The following GYS1 variants were observed in gnomAD, a reference collection of about 807,000 sequenced individuals.
GYS1 encodes glycogen synthase 1, also known as glycogen [starch] synthase, muscle.
In GYS1, 60 loss-of-function variants were observed where a neutral mutation model predicts 89.1. That is an observed-to-expected ratio of 0.67 (90% CI 0.55 to 0.84). The LOEUF (loss-of-function observed/expected upper bound fraction) is 0.84. Ranked by LOEUF, GYS1 falls within the 40% of genes least tolerant of loss-of-function variation. The pLI, the probability that GYS1 is intolerant of heterozygous loss-of-function variation, is 0.00. For missense variants in GYS1, 888 were observed against 1,003.1 expected (o/e 0.89, Z 1.55); for synonymous variants, 366 against 401.7 (o/e 0.91, Z 1.06).
chr19:48,982,769 C>T lies in GYS1; in HGVS notation c.892G>A (p.Ala298Thr), dbSNP rs749853175. ...TCCTGGATTCGAGCCTTGCTCTGAG[C>T]ATGGAGGTTCTGGAACTCATGCATG... ...SAMHEFQNLH[A>T]QSKARIQEFV... The change falls in exon 6 of 16, where the codon GCT (alanine) becomes ACT (threonine). Residue 298 changes from alanine to threonine, a missense_variant. Ala to Thr is a moderately conservative substitution (Grantham distance 58). Transcript: ENST00000323798. The T allele has an allele frequency of 5.6e-6, 9 of 1,613,930 alleles. No homozygotes were observed. Among genetic ancestry groups the T allele is most frequent in the Admixed American group, 1.7e-5 (1 of 59,988 alleles).
chr19:48,970,290 G>A (rs1480084401), intron 14 of GYS1: 2 of 498,842 alleles, frequency 4.0e-6, no homozygotes, highest in East Asian at 7.5e-5. Flanking sequence ...ACGCTCGGCT[G>A]ATTTTTTTTT....
intron 12 of GYS1, among the ~76,000 whole-genome samples, chr19:48,974,000 C>T (rs1242841032): frequency 6.6e-6 from 1 of 152,156 alleles, no homozygotes; most frequent in Non-Finnish European, 1.5e-5. Flanking sequence ...CTGTGACATC[C>T]AGTTCACTAG....
chr19:48,979,538 C>G (rs1299035822), intron 8 of GYS1, among the ~76,000 whole-genome samples: 1 of 150,912 alleles, frequency 6.6e-6, no homozygotes, highest in Non-Finnish European at 1.5e-5. Context: ...GATTTCACCA[C>G]GTTGACCAGG....
At chr19:48,977,820 G>T in intron 10 of GYS1, 104 bp downstream of exon 10, 1 of 848,382 alleles carries the variant, frequency 1.2e-6, no homozygotes, top group Non-Finnish European at 2.0e-6. Flanking sequence ...GGCTGCAGGA[G>T]AAAGCAGGAC....
chr19:48,977,902 T>C (rs371445595), intron 10 of GYS1, 22 bp downstream of exon 10: 186 of 1,593,596 alleles, frequency 1.2e-4, no homozygotes, highest in Non-Finnish European at 1.5e-4. Context: ...GCTATCTCTC[T>C]GCACAGAGGT....
chr19:48,982,200 C>A, intron 7 of GYS1, 55 bp downstream of exon 7: 6 of 1,588,646 alleles, frequency 3.8e-6, no homozygotes, highest in Non-Finnish European at 5.2e-6. Flanking sequence ...GCTGTTCTCC[C>A]TAGTTATAAA....
Position 48,992,975 on chromosome 19 carries a change from C to G in GYS1, c.118+20G>C. The G allele has an allele frequency of 7.0e-7, 1 of 1,422,836 alleles. No individual in the cohort carries two copies. The highest frequency in any genetic ancestry group is 9.9e-7 in the Non-Finnish European group (1 of 1,005,542). The allele number at this position is 1,422,836 out of a possible 1,614,324, so 88.1% of individuals were successfully genotyped here. A position where few individuals can be genotyped will look rare whatever the true frequency, so the allele number is the denominator to read the frequency against. On this transcript the variant is annotated intron_variant, in intron 1 of 15. Transcript: ENST00000323798. ...ACTACTGTCCTTCTCGTCAAGGGCC[C>G]CGACGCCTGGCGTGCTCACCCTTGT...
At chr19:48,979,494 A>G (rs1437583088) in intron 8 of GYS1, among the ~76,000 whole-genome samples, 1 of 149,700 alleles carries the variant, frequency 6.7e-6, no homozygotes, top group Non-Finnish European at 1.5e-5. Context: ...GCGCCACCAC[A>G]TCTGGCTAAT....
chr19:48,972,252 C>T (rs2038577628), intron 12 of GYS1, among the ~76,000 whole-genome samples: 1 of 151,730 alleles, frequency 6.6e-6, no homozygotes, highest in Admixed American at 6.6e-5. Flanking sequence ...GCAGGAGAAT[C>T]ACTTGAACCC....
In GYS1 at chr19:48,969,408, G is replaced by A; in HGVS notation, c.2094C>T (p.Ser698=). Residue 698 remains serine, a synonymous_variant, in exon 16 of 16, where the codon TCC becomes TCT. Transcript: ENST00000323798. ...IRAPEWPRRA[S]CTSSTSGSKR... ...TGCTGCCGCTGGTGGAGGAGGTGCA[G>A]GACGCTCGGCGCGGCCACTCTGGTG... is the stretch of plus-strand genomic sequence containing the variant. 1 of 1,555,162 alleles carries A rather than the reference G, an allele frequency of 6.4e-7. No homozygotes were observed. Among genetic ancestry groups the A allele is most frequent in the Non-Finnish European group, 8.7e-7 (1 of 1,153,752 alleles).
chr19:48,979,339 T>C (rs76871746), intron 8 of GYS1, among the ~76,000 whole-genome samples: 1 of 12,906 alleles, frequency 7.7e-5, no homozygotes, highest in Non-Finnish European at 1.4e-4. Flanking sequence ...TTCTTTTCTT[T>C]TTTTTTTTTT....
In GYS1 at chr19:48,982,836, A is replaced by G. The variant is rs2038788127; in HGVS notation, c.825T>C (p.Asp275=). ...CATTCAGCCCATTGGGGGTCACAAT[A>G]TCTGGGATTGGGGGTGAGGGTCCCA... ...EAQHLLKRKP[D]IVTPNGLNVK... Residue 275 remains aspartate (D), a splice_region_variant and synonymous_variant, in exon 6 of 16, where the codon GAT becomes GAC. Transcript: ENST00000323798. The G allele has an allele frequency of 6.4e-7, 1 of 1,571,242 alleles. No individual in the cohort carries two copies. Among genetic ancestry groups the G allele is most frequent in the Middle Eastern group, 1.7e-4 (1 of 5,996 alleles).
At chr19:48,984,043 G>C (rs1408978408) in intron 5 of GYS1, among the ~76,000 whole-genome samples, 1 of 152,188 alleles carries the variant, frequency 6.6e-6, no homozygotes, top group African/African-American at 2.4e-5. Context: ...TTGTTGCCCA[G>C]GCTGGAGTGC....
chr19:48,968,911 T>C lies in GYS1; in HGVS notation c.*377A>G, dbSNP rs1600126449. 4.1e-6 allele frequency: 2 copies of C among 490,686 alleles called. No homozygotes were observed. Among genetic ancestry groups the C allele is most frequent in the East Asian group, 1.2e-4 (2 of 17,012 alleles). 30.4% of individuals were successfully genotyped at this position (490,686 alleles called of 1,614,324 possible). Reference sequence around the variant, plus strand: ...CCTGAGCGTGGCCTGCTCTGTATGCTGTAGAATTTGTAAGCCACACGGGGG... The same window carrying C: ...CCTGAGCGTGGCCTGCTCTGTATGCCGTAGAATTTGTAAGCCACACGGGGG... On this transcript the variant is annotated 3_prime_UTR_variant, in exon 16 of 16. Transcript: ENST00000323798.
intron 2 of GYS1, among the ~76,000 whole-genome samples, chr19:48,990,061 G>T (rs934217159): frequency 6.2e-5 from 9 of 145,098 alleles, no homozygotes; most frequent in African/African-American, 1.8e-4. Flanking sequence ...CTCAGGAAGC[G>T]ACTGGGCTGT....
chr19:48,973,919 G>C (rs1023289407), intron 12 of GYS1, among the ~76,000 whole-genome samples: 4 of 152,170 alleles, frequency 2.6e-5, no homozygotes, highest in African/African-American at 9.7e-5. Context: ...ACACTCGGCT[G>C]TATTTGTGAA....
intron 14 of GYS1, 131 bp downstream of exon 14, chr19:48,970,415 G>C (rs764708839): frequency 7.7e-6 from 6 of 776,276 alleles, no homozygotes; most frequent in South Asian, 4.5e-5. Context: ...CCACCATCGC[G>C]ATCGGCCTGG....
At chr19:48,979,331 CTTTTCTTTTTTTTTTTTTTTTTTTTTTTT>C (rs1568620588) in intron 8 of GYS1, among the ~76,000 whole-genome samples, 2 of 46,354 alleles carry the variant, frequency 4.3e-5, no homozygotes, top group South Asian at 8.7e-4. Flanking sequence ...TTTCTTTTTT[CTTTTCTTTTTTTTTTTTTTTTTTTTTTTT>C]TTTTTTTTTT....
At chr19:48,978,248 G>C (rs1029450159) in intron 8 of GYS1, 91 bp from the exon 9 acceptor site, 1 of 1,151,144 alleles carries the variant, frequency 8.7e-7, no homozygotes, top group East Asian at 2.3e-5. Context: ...ATTTTGAGAC[G>C]GAGTTTGGCT....
Sources: allele counts gnomAD v4.1 joint callset (sites outside exome capture counted in the v4.1 genomes callset), GRCh38; gene constraint gnomAD v4.1.1; transcripts MANE v1.5; gene names NCBI Gene and HGNC (gene_info 2026-07-23, HGNC 2026-07-21).